The following ZNF141 variants were observed in gnomAD, a reference collection of about 807,000 sequenced individuals.
ZNF141 encodes zinc finger protein 141 (clone pHZ-44).
Under a neutral mutation model 11.3 loss-of-function variants are expected in ZNF141, and 7 were observed. The ratio of observed to expected loss-of-function variants is 0.62; its 90% CI spans 0.35 to 1.16. The LOEUF (loss-of-function observed/expected upper bound fraction) is 1.16, where lower values mean the gene tolerates loss of function less well. Among genes scored for constraint, ZNF141 ranks in the 50% most tolerant of loss-of-function variants. The pLI is 0.02. For synonymous variants in ZNF141, 183 were observed against 190.7 expected (o/e 0.96, Z 0.33); for missense variants, 535 against 554.0 (o/e 0.97, Z 0.34).
chr4:345,847 A>G (rs1280947842), intron 3 of ZNF141, among the ~76,000 whole-genome samples: 4 of 152,188 alleles, frequency 2.6e-5, no homozygotes, highest in East Asian at 3.9e-4. Context: ...TAAAGTATCT[A>G]CTCACCTTCT....
chr4:368,000 A>G (rs183169116), intron 3 of ZNF141, among the ~76,000 whole-genome samples: 2 of 152,306 alleles, frequency 1.3e-5, no homozygotes, highest in East Asian at 3.9e-4. Flanking sequence ...TTGCAAGGCT[A>G]ACACTCATAC....
chr4:366,922 C>T (rs1168382053), intron 3 of ZNF141, among the ~76,000 whole-genome samples: 1 of 152,192 alleles, frequency 6.6e-6, no homozygotes, highest in Non-Finnish European at 1.5e-5. Context: ...CCTGCCTCAG[C>T]CTCCCAAAAT....
intron 3 of ZNF141, among the ~76,000 whole-genome samples, chr4:367,433 GAAGAT>G (rs1448904622): frequency 2.0e-5 from 3 of 151,906 alleles, no homozygotes; most frequent in East Asian, 1.9e-4. Context: ...TTTGCGACTT[GAAGAT>G]AAGTTCAAAA....
chr4:359,629 A>G (rs1448268942), intron 3 of ZNF141, among the ~76,000 whole-genome samples: 1 of 152,098 alleles, frequency 6.6e-6, no homozygotes, highest in Non-Finnish European at 1.5e-5. Flanking sequence ...GGACTGCTTC[A>G]CAATTCACGG....
rs3840282 is a variant in ZNF141 at position 374,663 on chromosome 4, G to GAA, written c.*802_*803dup. ...GAGAAGATATGAAAGATGAATATAA[G>GAA]AATTCATCCTAGATATAAAACCATA... On this transcript the variant is annotated 3_prime_UTR_variant, in exon 4 of 4. Transcript: ENST00000240499. The GAA allele has an allele frequency of 0.43, 66,042 of 154,042 alleles. 14,737 individuals carry two copies. Among genetic ancestry groups the GAA allele is most frequent in the African/African-American group, 0.56 (23,171 of 41,360 alleles). The allele number at this position is 154,042 out of a possible 1,614,324, so 9.5% of individuals were successfully genotyped here. A position where few individuals can be genotyped will look rare whatever the true frequency, so the allele number is the denominator to read the frequency against.
Position 337,845 on chromosome 4 carries a change from G to T in ZNF141, c.-139G>T, listed in dbSNP as rs1553847764. 9.3e-6 allele frequency: 11 copies of T among 1,177,854 alleles called. No individual in the cohort carries two copies. The highest frequency in any genetic ancestry group is 1.2e-5 in the Non-Finnish European group (10 of 804,234). The allele number at this position is 1,177,854 out of a possible 1,614,324, so 73.0% of individuals were successfully genotyped here. The stretch of plus-strand genomic sequence containing the variant: ...GCGTCTGGCTACTACCAGACCGCGG[G>T]TTAGGGGCTTCATCTCTCTGCGTTC... On this transcript the variant is annotated 5_prime_UTR_variant, in exon 1 of 4. Transcript: ENST00000240499.
intron 3 of ZNF141, among the ~76,000 whole-genome samples, chr4:367,878 G>C (rs1306773781): frequency 1.3e-5 from 2 of 152,058 alleles, no homozygotes; most frequent in Non-Finnish European, 2.9e-5. Context: ...TACACGTGCA[G>C]AACATCCAGA....
In ZNF141 at chr4:376,803, A is replaced by G. The variant is rs529624555; in HGVS notation, c.*2941A>G. 2.6e-5 allele frequency among the ~76,000 whole-genome samples: 4 copies of G among 152,234 alleles called. No individual in the cohort carries two copies. The highest frequency in any genetic ancestry group is 9.6e-5 in the African/African-American group (4 of 41,568). ...ACCATGGATAATTTACTGGAAATCT[A>G]GAAGCCTGAAACATTCTATATTTTC... is the stretch of plus-strand genomic sequence containing the variant. On this transcript the variant is annotated 3_prime_UTR_variant, in exon 4 of 4. Coordinates refer to ENST00000240499, the MANE Select transcript of ZNF141 (RefSeq NM_003441.4).
At chr4:338,097 C>A in intron 1 of ZNF141, 111 bp downstream of exon 1, 1 of 1,481,048 alleles carries the variant, frequency 6.8e-7, no homozygotes, top group Non-Finnish European at 9.3e-7. Context: ...GCCGCTCAGC[C>A]CTGGGGCCTC....
Position 380,685 on chromosome 4 carries a change from A to C in ZNF141, c.*6823A>C, listed in dbSNP as rs1712571997. Reference sequence around the variant, plus strand: ...CAAAAAAAAAAATTAATTTTCACAGAAAATTAATAGCATAGGTATTATTAT... The same window carrying C: ...CAAAAAAAAAAATTAATTTTCACAGCAAATTAATAGCATAGGTATTATTAT... On this transcript the variant is annotated 3_prime_UTR_variant, in exon 4 of 4. Coordinates refer to ENST00000240499, the MANE Select transcript of ZNF141 (RefSeq NM_003441.4). 6.6e-6 allele frequency among the ~76,000 whole-genome samples: 1 copy of C among 152,170 alleles called. No individual in the cohort carries two copies. Among genetic ancestry groups the C allele is most frequent in the African/African-American group, 2.4e-5 (1 of 41,416 alleles).
In ZNF141 at chr4:380,873, G is replaced by A. The variant is rs1321874659; in HGVS notation, c.*7011G>A. On this transcript the variant is annotated 3_prime_UTR_variant, in exon 4 of 4. Transcript: ENST00000240499. The stretch of plus-strand genomic sequence containing the variant: ...TCTTAATAAAAATTTAACAAAAATT[G>A]TTAAATGTTGTCATATATGTGTGTG... Among the ~76,000 whole-genome samples the A allele has an allele frequency of 2.0e-5, 3 of 152,058 alleles. No individual in the cohort carries two copies. In the East Asian group the frequency reaches 5.8e-4, roughly 29 times the overall value.
At chr4:353,769 T>C (rs1379198092) in intron 3 of ZNF141, among the ~76,000 whole-genome samples, 3 of 152,134 alleles carry the variant, frequency 2.0e-5, no homozygotes, top group Non-Finnish European at 4.4e-5. Flanking sequence ...GCTGAGAGTT[T>C]TACTTCTTTT....
chr4:372,082 G>T lies in ZNF141; in HGVS notation c.227-582G>T, dbSNP rs138577204. On this transcript the variant is annotated intron_variant, in intron 3 of 3. Transcript: ENST00000240499. ...GTTTATTTTTCAGTTAAAAGGGTTT[G>T]TTCATGTTTCTTCTTAACAGTCTCT... is the stretch of plus-strand genomic sequence containing the variant. 5.6e-3 allele frequency among the ~76,000 whole-genome samples: 850 copies of T among 152,262 alleles called. 11 individuals are homozygous for T. Among genetic ancestry groups the T allele is most frequent in the African/African-American group, 0.018 (767 of 41,544 alleles).
In ZNF141 at chr4:374,458, C is replaced by T; in HGVS notation, c.*596C>T. 6.0e-6 allele frequency: 2 copies of T among 333,592 alleles called. No individual in the cohort carries two copies. Among genetic ancestry groups the T allele is most frequent in the South Asian group, 5.7e-5 (2 of 35,226 alleles). The allele number at this position is 333,592 out of a possible 1,614,324, so 20.7% of individuals were successfully genotyped here. On this transcript the variant is annotated 3_prime_UTR_variant, in exon 4 of 4. Transcript: ENST00000240499. Reference sequence around the variant, plus strand: ...ATTTATACCAGAGAGAAACCCTACACATGTAAAGAATGTGGCAAAGCCTTC... The same window carrying T: ...ATTTATACCAGAGAGAAACCCTACATATGTAAAGAATGTGGCAAAGCCTTC...
chr4:338,231 A>T (rs1452508512), intron 1 of ZNF141: 1 of 467,064 alleles, frequency 2.1e-6, no homozygotes, highest in Non-Finnish European at 3.8e-6. Context: ...CTGTGGGGTG[A>T]GGAGTAGCTT....
At chr4:371,235 ATT>A (rs1174649105) in intron 3 of ZNF141, among the ~76,000 whole-genome samples, 3 of 140,396 alleles carry the variant, frequency 2.1e-5, no homozygotes, top group Non-Finnish European at 1.6e-5. Flanking sequence ...TTGTTCTGGA[ATT>A]TTTTTTTTTT....
intron 3 of ZNF141, among the ~76,000 whole-genome samples, chr4:361,079 G>C (rs1722084228): frequency 6.6e-6 from 1 of 152,124 alleles, no homozygotes; most frequent in African/African-American, 2.4e-5. Flanking sequence ...ATTTAATTGT[G>C]ATGAAAAACA....
chr4:354,735 G>A (rs7690318), intron 3 of ZNF141, among the ~76,000 whole-genome samples: 1 of 151,714 alleles, frequency 6.6e-6, no homozygotes, highest in African/African-American at 2.4e-5. Context: ...TATATATTAT[G>A]ATTCTATTTT....
Position 350,175 on chromosome 4 carries a change from C to T in ZNF141, c.226+5745C>T, listed in dbSNP as rs1403113463. On this transcript the variant is annotated intron_variant, in intron 3 of 3. Coordinates refer to ENST00000240499, the MANE Select transcript of ZNF141 (RefSeq NM_003441.4). Reference sequence around the variant, plus strand: ...TCAGAATCCTCAGTAAGACCAAGCTCAGTGTGCCATTTCCTTGTCTGTAGC... The same window carrying T: ...TCAGAATCCTCAGTAAGACCAAGCTTAGTGTGCCATTTCCTTGTCTGTAGC... The T allele has an allele frequency of 5.6e-6, 3 of 534,676 alleles. No homozygotes were observed. The African/African-American group carries it at 5.8e-5, about 10-fold the overall frequency. 33.1% of individuals were successfully genotyped at this position (534,676 alleles called of 1,614,324 possible). A position where few individuals can be genotyped will look rare whatever the true frequency, so the allele number is the denominator to read the frequency against.
Sources: allele counts gnomAD v4.1 joint callset (sites outside exome capture counted in the v4.1 genomes callset), GRCh38; gene constraint gnomAD v4.1.1; transcripts MANE v1.5; gene names NCBI Gene and HGNC (gene_info 2026-07-23, HGNC 2026-07-21).